Variants in MED27 observed in about 807,000 individuals in gnomAD.
MED27 encodes mediator complex subunit 27, also known as mediator of RNA polymerase II transcription subunit 27.
Under a neutral mutation model 38.2 loss-of-function variants are expected in MED27, and 30 were observed. The ratio of observed to expected loss-of-function variants is 0.79; its 90% CI spans 0.59 to 1.07. The LOEUF is 1.07. Ranked by LOEUF, MED27 falls within the 50% of genes least tolerant of loss-of-function variation. MED27 has a pLI of 0.00. For synonymous variants in MED27, 122 were observed against 153.5 expected, an observed-to-expected ratio of 0.79 and a Z score of 1.52; for missense variants, 289 against 397.5, an observed-to-expected ratio of 0.73 and a Z score of 2.32.
chr9:131,998,282 CT>C (rs371391369), intron 3 of MED27, among the ~76,000 whole-genome samples: 4,302 of 146,420 alleles, frequency 0.029, 190 homozygotes, highest in African/African-American at 0.093. Flanking sequence ...TTTTAATATC[CT>C]TTTTTTTTTT....
chr9:132,011,588 G>A (rs144221757), intron 3 of MED27, among the ~76,000 whole-genome samples: 22 of 152,248 alleles, frequency 1.4e-4, no homozygotes, highest in African/African-American at 4.8e-4. Context: ...GATCATTTGA[G>A]CTCAGGAGTT....
At chr9:131,894,601 C>T (rs903847823) in intron 4 of MED27, among the ~76,000 whole-genome samples, 3 of 151,050 alleles carry the variant, frequency 2.0e-5, no homozygotes, top group Non-Finnish European at 2.9e-5. Context: ...ACTCTCAGAA[C>T]CTAAGCACAT....
At chr9:132,016,596 G>A (rs2131079869) in intron 2 of MED27, among the ~76,000 whole-genome samples, 1 of 152,336 alleles carries the variant, frequency 6.6e-6, no homozygotes, top group Admixed American at 6.5e-5. Context: ...GATCTTCCCT[G>A]CCAGAATTTG....
chr9:131,980,368 G>A (rs993899212), intron 3 of MED27, among the ~76,000 whole-genome samples: 1 of 152,156 alleles, frequency 6.6e-6, no homozygotes, highest in African/African-American at 2.4e-5. Flanking sequence ...GGATTCTGAT[G>A]CTAAAACAAA....
intron 4 of MED27, among the ~76,000 whole-genome samples, chr9:131,906,855 AAAG>A (rs1355871687): frequency 6.6e-6 from 1 of 152,196 alleles, no homozygotes; most frequent in African/African-American, 2.4e-5. Context: ...ATTAGATGCT[AAAG>A]AAGGAGTGGA....
At chr9:131,918,344 T>G (rs1013497558) in intron 4 of MED27, among the ~76,000 whole-genome samples, 8 of 152,332 alleles carry the variant, frequency 5.3e-5, no homozygotes, top group African/African-American at 1.9e-4. Flanking sequence ...TTAGGGAAAC[T>G]CTGTTATCCT....
At chr9:131,989,459 T>C (rs1831925247) in intron 3 of MED27, among the ~76,000 whole-genome samples, 1 of 151,486 alleles carries the variant, frequency 6.6e-6, no homozygotes, top group East Asian at 1.9e-4. Context: ...ACCCCCTTTG[T>C]AGGTAAGCTA....
rs947669033 is a variant in MED27 at position 131,869,335 on chromosome 9, A to G, written c.724-6195T>C. 19 of 985,068 alleles carry G rather than the reference A, an allele frequency of 1.9e-5. No individual in the cohort carries two copies. The South Asian group carries it at 6.1e-4, about 32-fold the overall frequency. The allele number at this position is 985,068 out of a possible 1,614,324, so 61.0% of individuals were successfully genotyped here. On this transcript the variant is annotated intron_variant, in intron 6 of 7. Coordinates refer to ENST00000292035, the MANE Select transcript of MED27 (RefSeq NM_004269.4). ...ATATTTTTTTGTTTTACATTTTTCA[A>G]CAACAAAGTTGTTTTTTTGCTCAGC...
At chr9:131,977,253 T>C (rs1464896749) in intron 3 of MED27, among the ~76,000 whole-genome samples, 2 of 152,268 alleles carry the variant, frequency 1.3e-5, no homozygotes, top group Non-Finnish European at 2.9e-5. Context: ...GGCAGCCAAA[T>C]AAGGAAGTGG....
intron 2 of MED27, among the ~76,000 whole-genome samples, chr9:132,061,041 T>A (rs1297463509): frequency 6.6e-6 from 1 of 152,228 alleles, no homozygotes; most frequent in Non-Finnish European, 1.5e-5. Flanking sequence ...ACCCTACAAG[T>A]AGCTCTTTCT....
At chr9:132,079,587 G>A in intron 1 of MED27, 55 bp downstream of exon 1, 2 of 1,557,228 alleles carry the variant, frequency 1.3e-6, no homozygotes, top group Non-Finnish European at 1.8e-6. Flanking sequence ...GCGACGTAGG[G>A]GCAGGGTCGG....
chr9:131,915,426 C>T (rs528406160), intron 4 of MED27, among the ~76,000 whole-genome samples: 2 of 152,106 alleles, frequency 1.3e-5, no homozygotes, highest in Non-Finnish European at 2.9e-5. Context: ...AAAGCAGACA[C>T]AAGAACTGTC....
chr9:132,031,192 C>G (rs1376720960), intron 2 of MED27, among the ~76,000 whole-genome samples: 1 of 152,216 alleles, frequency 6.6e-6, no homozygotes, highest in African/African-American at 2.4e-5. Flanking sequence ...TCTGGAGAGG[C>G]TGTCCTAGAG....
At chr9:132,059,296 C>G (rs1212610284) in intron 2 of MED27, among the ~76,000 whole-genome samples, 1 of 152,194 alleles carries the variant, frequency 6.6e-6, no homozygotes, top group East Asian at 1.9e-4. Context: ...CAGAAAGACT[C>G]TGGTGGAGCA....
chr9:131,910,987 T>C (rs1039985359), intron 4 of MED27, among the ~76,000 whole-genome samples: 1 of 152,208 alleles, frequency 6.6e-6, no homozygotes, highest in African/African-American at 2.4e-5. Context: ...TTTTTAATGA[T>C]GCCTGTTTGT....
At chr9:132,062,986 AT>A (rs1172654950) in intron 2 of MED27, among the ~76,000 whole-genome samples, 1 of 152,214 alleles carries the variant, frequency 6.6e-6, no homozygotes, top group Non-Finnish European at 1.5e-5. Context: ...CACTCTGACT[AT>A]GTGGGAAAAG....
intron 2 of MED27, among the ~76,000 whole-genome samples, 180 bp downstream of exon 2, chr9:132,077,262 A>T (rs1834072328): frequency 6.6e-6 from 1 of 152,372 alleles, no homozygotes; most frequent in South Asian, 2.1e-4. Flanking sequence ...ATGAATCCCC[A>T]AAGACTTCAA....
rs1052960818 is a variant in MED27, at chr9:131,913,008, C to T, written c.574-19016G>A. Among the ~76,000 whole-genome samples the T allele has an allele frequency of 5.9e-5, 9 of 152,334 alleles. No homozygotes were observed. Among genetic ancestry groups the T allele is most frequent in the Admixed American group, 4.6e-4 (7 of 15,308 alleles). On this transcript the variant is annotated intron_variant, in intron 4 of 7. Coordinates refer to ENST00000292035, the MANE Select transcript of MED27 (RefSeq NM_004269.4). The surrounding 1 kb of genome is among the most constrained non-coding windows in gnomAD (Gnocchi z 4.5). ...CTCTCCCTTTGAGGGTAGGTACAAT[C>T]TACATATAAGTCCCAACTGCACACT...
intron 2 of MED27, among the ~76,000 whole-genome samples, chr9:132,067,638 G>A (rs943525071): frequency 5.3e-5 from 8 of 152,196 alleles, no homozygotes; most frequent in Admixed American, 3.3e-4. Flanking sequence ...CCATTTTCAC[G>A]TATGGACTCC....
Sources: gnomAD v4.1 joint callset for allele counts (sites outside exome capture counted in the v4.1 genomes callset) on GRCh38, gnomAD v4.1.1 for gene constraint, Gnocchi (gnomAD v3.1) non-coding constraint, MANE v1.5 for transcripts, NCBI Gene and HGNC (gene_info 2026-07-23, HGNC 2026-07-21) for gene names.